FBXO9: variants seen among roughly 807,000 people sequenced by gnomAD.
The protein encoded by FBXO9 is F-box only protein 9.
Under a neutral mutation model 63.7 loss-of-function variants are expected in FBXO9, and 43 were observed. The ratio of observed to expected loss-of-function variants is 0.67; its 90% confidence interval spans 0.53 to 0.87. The LOEUF is 0.87. Among genes scored for constraint, FBXO9 ranks in the 40% least tolerant of loss-of-function variants. The pLI is 0.00. For missense variants in FBXO9, 442 were observed against 533.2 expected, an observed-to-expected ratio of 0.83 and a Z score of 1.68; for synonymous variants, 156 against 171.7, an observed-to-expected ratio of 0.91 and a Z score of 0.72.
At chr6:53,068,637 A>AATAT (rs10667878) in intron 1 of FBXO9, among the ~76,000 whole-genome samples, 4,517 of 142,328 alleles carry the variant, frequency 0.032, 323 homozygotes, top group Admixed American at 0.18. Context: ...CATCTTACGG[A>AATAT]ATATATATAT....
At chr6:53,088,918 C>G (rs1408276228) in intron 7 of FBXO9, among the ~76,000 whole-genome samples, 8 of 149,202 alleles carry the variant, frequency 5.4e-5, no homozygotes, top group Middle Eastern at 3.6e-3. Context: ...TTTTTTCTTT[C>G]TTTCTTTGTT....
chr6:53,091,475 TCTC>T (rs936361736), intron 7 of FBXO9: 1 of 152,152 alleles, frequency 6.6e-6, no homozygotes, highest in Admixed American at 6.6e-5. Flanking sequence ...TTCAAGCAAT[TCTC>T]CTGCCTCGGC....
intron 10 of FBXO9, 119 bp downstream of exon 10, chr6:53,093,680 C>T (rs1003672070): frequency 4.1e-5 from 37 of 911,106 alleles, no homozygotes; most frequent in Non-Finnish European, 5.6e-5. Flanking sequence ...AGCAATCATT[C>T]AGGGTCTTAG....
rs779335506 is a variant in FBXO9, at chr6:53,093,599, A to G, written c.959+38A>G. On this transcript the variant is annotated intron_variant, in intron 10 of 12. Transcript: ENST00000323557. ...TTTTAAATGGCTTTCCATCCAGTCT[A>G]TGTTTTATATGGTTCCTTGCAGGTT... is the stretch of plus-strand genomic sequence containing the variant. The G allele has an allele frequency of 1.0e-5, 15 of 1,435,130 alleles. No homozygotes were observed. The East Asian group carries it at 3.4e-4, about 33-fold the overall frequency. The allele number at this position is 1,435,130 out of a possible 1,614,324, so 88.9% of individuals were successfully genotyped here.
chr6:53,083,025 A>AT (rs930652468), intron 7 of FBXO9, among the ~76,000 whole-genome samples: 1 of 152,180 alleles, frequency 6.6e-6, no homozygotes, highest in African/African-American at 2.4e-5. Context: ...TATTTTGAAA[A>AT]TTTTGCTATG....
chr6:53,078,967 C>A, intron 5 of FBXO9, 69 bp downstream of exon 5: 2 of 1,107,760 alleles, frequency 1.8e-6, no homozygotes, highest in Non-Finnish European at 2.8e-6. Flanking sequence ...GCCCTGTTGA[C>A]TCTTAAGATG....
chr6:53,071,677 G>A (rs779051596), intron 2 of FBXO9, among the ~76,000 whole-genome samples: 6 of 152,202 alleles, frequency 3.9e-5, no homozygotes, highest in Non-Finnish European at 8.8e-5. Flanking sequence ...TGAATAATGT[G>A]CATCGCTGTC....
chr6:53,073,491 A>T lies in FBXO9; in HGVS notation c.101A>T (p.Gln34Leu), dbSNP rs762692634. ...CTGTTCTCCCCATAGGCACAACTCC[A>T]GATGTTCCGAGCTCAGTGGATGTTT... ...PAETDLQAQL[Q>L]MFRAQWMFEL... The change falls in exon 3 of 13, where the codon CAG becomes CTG. Residue 34 changes from glutamine (Q) to leucine (L), a missense_variant. Physicochemically the swap from Gln to Leu is moderately radical, Grantham distance 113. This residue lies in a region of FBXO9 where 180 missense variants were observed against 171.1 expected (regional missense o/e 1.05). Transcript: ENST00000323557. 1 of 1,613,612 alleles carries T rather than the reference A, an allele frequency of 6.2e-7. No homozygotes were observed. Among genetic ancestry groups the T allele is most frequent in the Non-Finnish European group, 8.5e-7 (1 of 1,179,688 alleles).
chr6:53,068,320 G>A (rs1014795384), intron 1 of FBXO9, among the ~76,000 whole-genome samples: 2 of 152,126 alleles, frequency 1.3e-5, no homozygotes, highest in Non-Finnish European at 2.9e-5. Context: ...TCACTGGAAG[G>A]TAGGATTTAG....
chr6:53,079,744 ATATAT>A (rs1486656985), intron 5 of FBXO9, among the ~76,000 whole-genome samples: 6 of 152,156 alleles, frequency 3.9e-5, no homozygotes, highest in Non-Finnish European at 8.8e-5. Flanking sequence ...TATTATATTA[ATATAT>A]TCCCTCTGTC....
intron 1 of FBXO9, among the ~76,000 whole-genome samples, chr6:53,070,228 T>C (rs1454076271): frequency 6.6e-6 from 1 of 151,716 alleles, no homozygotes; most frequent in Non-Finnish European, 1.5e-5. Flanking sequence ...CTATGTTGGC[T>C]AGGCTGGTCT....
chr6:53,083,848 T>C (rs1769389086), intron 7 of FBXO9, among the ~76,000 whole-genome samples: 1 of 152,230 alleles, frequency 6.6e-6, no homozygotes, highest in Non-Finnish European at 1.5e-5. Flanking sequence ...TCAGTCATCC[T>C]GTAGTTAGGT....
At position 53,093,989 on chromosome 6, in the gene FBXO9, G is replaced by A. The variant is rs765881992; in HGVS notation, c.1053+11G>A. ...AAGAAAAAAGAAGAAGTGAGTATACGAGGTGTAATTAATAGTTTTCTTATC... is the reference window on the plus strand; with the variant it reads ...AAGAAAAAAGAAGAAGTGAGTATACAAGGTGTAATTAATAGTTTTCTTATC... On this transcript the variant is annotated intron_variant, in intron 11 of 12. Coordinates refer to ENST00000323557, the MANE Select transcript of FBXO9 (RefSeq NM_033480.3). 20 of 1,507,514 alleles carry A rather than the reference G, an allele frequency of 1.3e-5. No individual in the cohort carries two copies. The highest frequency in any genetic ancestry group is 7.4e-5 in the East Asian group (3 of 40,556). The allele number at this position is 1,507,514 out of a possible 1,614,324, so 93.4% of individuals were successfully genotyped here.
rs1433891287 is a variant in FBXO9, at chr6:53,099,318, G to C, written c.*1488G>C. On this transcript the variant is annotated 3_prime_UTR_variant, in exon 13 of 13. Coordinates refer to ENST00000323557, the MANE Select transcript of FBXO9 (RefSeq NM_033480.3). ...TGGGGCAGGAGAATTGCCTGAGCCT[G>C]GGAAGTGGAAGTTGCAGTGAGCCAA... 6.6e-6 allele frequency: 1 copy of C among 152,126 alleles called. No individual in the cohort carries two copies. Among genetic ancestry groups the C allele is most frequent in the East Asian group, 1.9e-4 (1 of 5,186 alleles). The allele number at this position is 152,126 out of a possible 1,614,324, so 9.4% of individuals were successfully genotyped here.
intron 4 of FBXO9, among the ~76,000 whole-genome samples, chr6:53,076,877 C>G (rs1014347101): frequency 1.5e-4 from 23 of 150,942 alleles, no homozygotes; most frequent in African/African-American, 4.6e-4. Flanking sequence ...ATACAGAGGG[C>G]CAGCTATATT....
At position 53,099,428 on chromosome 6, in the gene FBXO9, G is replaced by A. The variant is rs1763296324; in HGVS notation, c.*1598G>A. 6.6e-6 allele frequency: 1 copy of A among 151,852 alleles called. No individual in the cohort carries two copies. Among genetic ancestry groups the A allele is most frequent in the African/African-American group, 2.4e-5 (1 of 41,312 alleles). 9.4% of individuals were successfully genotyped at this position (151,852 alleles called of 1,614,324 possible). ...TGATGATAGTACACGTTATGTTAAAGGTGAAATGTGCATACAGAAGGAAGA... is the reference window on the plus strand; with the variant it reads ...TGATGATAGTACACGTTATGTTAAAAGTGAAATGTGCATACAGAAGGAAGA... On this transcript the variant is annotated 3_prime_UTR_variant, in exon 13 of 13. Coordinates refer to ENST00000323557, the MANE Select transcript of FBXO9 (RefSeq NM_033480.3).
At position 53,069,991 on chromosome 6, in the gene FBXO9, G is replaced by GTAAAAGTGAA. The variant is rs1554184244; in HGVS notation, c.4-1066_4-1065insTAAAAGTGAA. Among the ~76,000 whole-genome samples the GTAAAAGTGAA allele has an allele frequency of 7.3e-5, 10 of 136,626 alleles. No homozygotes were observed. The East Asian group carries it at 1.7e-3, about 24-fold the overall frequency. 89.6% of individuals were successfully genotyped at this position (136,626 alleles called of 152,430 possible). A position where few individuals can be genotyped will look rare whatever the true frequency, so the allele number is the denominator to read the frequency against. On this transcript the variant is annotated intron_variant, in intron 1 of 12. Coordinates refer to ENST00000323557, the MANE Select transcript of FBXO9 (RefSeq NM_033480.3). Reference sequence around the variant, plus strand: ...ATTTTATTTCATTTTTTTCTAAGAAGAATAATATTTTTCTTTTCTTTTTTC... The same window carrying GTAAAAGTGAA: ...ATTTTATTTCATTTTTTTCTAAGAAGTAAAAGTGAAAATAATATTTTTCTTTTCTTTTTTC...
intron 1 of FBXO9, 46 bp from the exon 2 acceptor site, chr6:53,071,011 C>T (rs1254728870): frequency 8.4e-6 from 13 of 1,552,918 alleles, no homozygotes; most frequent in Non-Finnish European, 1.0e-5. Context: ...CAGAGGGCAA[C>T]TGGTGTGTTT....
At chr6:53,066,222 C>T (rs1768693264) in intron 1 of FBXO9, 2 of 904,094 alleles carry the variant, frequency 2.2e-6, no homozygotes, top group African/African-American at 1.8e-5. Context: ...TGCTCTTCTG[C>T]GGAAAAGCCA....
Sources: allele counts gnomAD v4.1 joint callset (sites outside exome capture counted in the v4.1 genomes callset), GRCh38; gene constraint gnomAD v4.1.1; regional missense constraint gnomAD v4.1.1; transcripts MANE v1.5; gene names NCBI Gene and HGNC (gene_info 2026-07-23, HGNC 2026-07-21).